Variants in FAS observed in about 807,000 individuals in gnomAD.
FAS encodes tumor necrosis factor receptor superfamily member 6.
A neutral mutation model predicts 33.2 loss-of-function variants in FAS; 5 were observed. The ratio of observed to expected loss-of-function variants is 0.15; its 90% CI spans 0.08 to 0.32. The LOEUF is 0.32. Among genes scored for constraint, FAS ranks in the 10% least tolerant of loss-of-function variants. The probability of loss-of-function intolerance (pLI) is 1.00; values close to 1 mark genes in which losing one functional copy is unlikely to be tolerated. For missense variants in FAS, 339 were observed against 386.0 expected (o/e 0.88, Z 1.02); for synonymous variants, 131 against 130.7 (o/e 1.00, Z -0.01).
At position 89,010,615 on chromosome 10, in the gene FAS, A is replaced by T. The variant is rs1454441047; in HGVS notation, c.505+15A>T. ...CAAAGAGGAAGGTAATTATTTTTTTACGGTTATATTCTCCTTTCCCCCAAC... is the reference window on the plus strand; with the variant it reads ...CAAAGAGGAAGGTAATTATTTTTTTTCGGTTATATTCTCCTTTCCCCCAAC... On this transcript the variant is annotated intron_variant, in intron 5 of 8. Coordinates refer to ENST00000652046, the MANE Select transcript of FAS (RefSeq NM_000043.6). 6.2e-7 allele frequency: 1 copy of T among 1,613,040 alleles called. No individual in the cohort carries two copies. The highest frequency in any genetic ancestry group is 1.3e-5 in the African/African-American group (1 of 74,892).
At chr10:88,968,012 T>TC (rs957617095) in intron 1 of FAS, among the ~76,000 whole-genome samples, 1 of 152,212 alleles carries the variant, frequency 6.6e-6, no homozygotes, top group African/African-American at 2.4e-5. Flanking sequence ...CTTTTTTTTT[T>TC]CTGTAACATA....
At chr10:89,010,419 A>G (rs1036470484) in intron 4 of FAS, 120 bp from the exon 5 acceptor site, 3 of 767,470 alleles carry the variant, frequency 3.9e-6, no homozygotes, top group African/African-American at 3.5e-5. Context: ...ATTTGAAGGA[A>G]TACGTTTGCC....
At chr10:88,965,654 A>G (rs1188346874) in intron 1 of FAS, among the ~76,000 whole-genome samples, 1 of 128,866 alleles carries the variant, frequency 7.8e-6, no homozygotes, top group African/African-American at 3.0e-5. Flanking sequence ...TGCAAGGTCA[A>G]GCCATTATAA....
At chr10:89,005,890 T>G (rs9658748) in intron 2 of FAS, among the ~76,000 whole-genome samples, 11,964 of 152,214 alleles carry the variant, frequency 0.079, 601 homozygotes, top group Non-Finnish European at 0.11. Context: ...CTGCCTGCCT[T>G]GGCCTCCCAA....
chr10:88,980,579 T>C (rs1038780690), intron 2 of FAS, among the ~76,000 whole-genome samples: 13 of 152,200 alleles, frequency 8.5e-5, no homozygotes, highest in Non-Finnish European at 1.9e-4. Flanking sequence ...TGCTATTCCC[T>C]GAGGCCTAAC....
At chr10:88,970,815 A>C (rs773986806) in intron 1 of FAS, among the ~76,000 whole-genome samples, 1 of 152,194 alleles carries the variant, frequency 6.6e-6, no homozygotes, top group Non-Finnish European at 1.5e-5. Flanking sequence ...ACGTGTATAC[A>C]TATGTAACAA....
chr10:88,968,373 T>C (rs1846359331), intron 1 of FAS, among the ~76,000 whole-genome samples: 1 of 152,172 alleles, frequency 6.6e-6, no homozygotes, highest in Non-Finnish European at 1.5e-5. Context: ...TGCAGGGTTT[T>C]TGATCATCTT....
upstream of FAS, chr10:88,989,417 G>A (rs1847032992): frequency 3.9e-6 from 2 of 510,854 alleles, no homozygotes; most frequent in Non-Finnish European, 7.7e-6. Context: ...AGATAATACA[G>A]AGAATGCCCA....
In FAS at chr10:89,016,185, A is replaced by G. The variant is rs549898583; in HGVS notation, c.*1735A>G. On this transcript the variant is annotated 3_prime_UTR_variant, in exon 9 of 9. Transcript: ENST00000652046. Reference sequence around the variant, plus strand: ...CAATTTAATGCTAGTAATATATTCTATTTAACCCATGAGTCCCAAAGTATT... The same window carrying G: ...CAATTTAATGCTAGTAATATATTCTGTTTAACCCATGAGTCCCAAAGTATT... The G allele has an allele frequency of 6.0e-5, 13 of 217,482 alleles. No homozygotes were observed. Among genetic ancestry groups the G allele is most frequent in the East Asian group, 4.1e-4 (6 of 14,638 alleles). The allele number at this position is 217,482 out of a possible 1,614,324, so 13.5% of individuals were successfully genotyped here. A position where few individuals can be genotyped will look rare whatever the true frequency, so the allele number is the denominator to read the frequency against.
chr10:88,984,406 G>A (rs1268207278), upstream of FAS, among the ~76,000 whole-genome samples: 1 of 152,102 alleles, frequency 6.6e-6, no homozygotes, highest in Non-Finnish European at 1.5e-5. Context: ...AGTAGGAATG[G>A]ATTACACCCC....
In FAS at chr10:89,007,742, C is replaced by A; in HGVS notation, c.239C>A (p.Pro80Gln). 1.2e-6 allele frequency: 2 copies of A among 1,613,980 alleles called. No individual in the cohort carries two copies. Among genetic ancestry groups the A allele is most frequent in the Non-Finnish European group, 1.7e-6 (2 of 1,179,944 alleles). Residue 80 changes from proline to glutamine, a missense_variant, in exon 3 of 9, where the codon CCA (proline) becomes CAA (glutamine). Pro to Gln is a moderately conservative substitution (Grantham distance 76). Around this residue, in one of 3 missense-constraint regions of FAS, gnomAD observed 276 missense variants for 300.1 expected, o/e 0.92. Transcript: ENST00000652046. The part of the protein sequence containing the change: ...ARDCTVNGDE[P>Q]DCVPCQEGKE... ...GACTGCACAGTCAATGGGGATGAAC[C>A]AGACTGCGTGCCCTGCCAAGAAGGG...
intron 1 of FAS, among the ~76,000 whole-genome samples, chr10:88,969,104 A>C (rs113561688): frequency 1.3e-5 from 2 of 152,302 alleles, no homozygotes; most frequent in African/African-American, 4.8e-5. Context: ...CTCTCTTATT[A>C]AATAATACTC....
intron 2 of FAS, among the ~76,000 whole-genome samples, chr10:89,007,116 C>A (rs551247748): frequency 6.6e-6 from 1 of 152,336 alleles, no homozygotes; most frequent in East Asian, 1.9e-4. Context: ...AGAAATATTA[C>A]TATCTCCATC....
chr10:89,008,918 A>G lies in FAS; in HGVS notation c.364A>G (p.Thr122Ala). 6.2e-7 allele frequency: 1 copy of G among 1,614,024 alleles called. No individual in the cohort carries two copies. The highest frequency in any genetic ancestry group is 8.5e-7 in the Non-Finnish European group (1 of 1,179,898). The change falls in exon 4 of 9, where the codon ACC becomes GCC. Residue 122 changes from threonine (T) to alanine (A), a missense_variant. By Grantham distance (58) the Thr-to-Ala change is moderately conservative (BLOSUM62 0). This residue lies in a region of FAS where 276 missense variants were observed against 300.1 expected (regional missense o/e 0.92). Coordinates refer to ENST00000652046, the MANE Select transcript of FAS (RefSeq NM_000043.6). ...AGAAGTGGAAATAAACTGCACCCGG[A>G]CCCAGAATACCAAGTGCAGATGTAA... ...GLEVEINCTR[T>A]QNTKCRCKPN...
intron 1 of FAS, among the ~76,000 whole-genome samples, chr10:88,964,946 A>G (rs956615443): frequency 4.6e-5 from 7 of 152,076 alleles, no homozygotes; most frequent in African/African-American, 1.7e-4. Flanking sequence ...AAACATTTTT[A>G]GTGTCTTAAG....
rs1194726370 is a variant in FAS, at chr10:89,009,699, A to G, written c.443+702A>G. Among the ~76,000 whole-genome samples the G allele has an allele frequency of 2.0e-5, 3 of 152,156 alleles. No individual in the cohort carries two copies. In the East Asian group the frequency reaches 5.8e-4, roughly 29 times the overall value. On this transcript the variant is annotated intron_variant, in intron 4 of 8. Coordinates refer to ENST00000652046, the MANE Select transcript of FAS (RefSeq NM_000043.6). ...ATAAGCACATGATGCCTTATGTTTT[A>G]TTTGCTAGGAAAATTTTATGTACAG...
intron 1 of FAS, among the ~76,000 whole-genome samples, chr10:88,972,151 C>T (rs1462939989): frequency 6.6e-6 from 1 of 152,176 alleles, no homozygotes; most frequent in Non-Finnish European, 1.5e-5. Context: ...TTGTGATCCA[C>T]CCGCCTCAGC....
intron 2 of FAS, among the ~76,000 whole-genome samples, chr10:88,978,338 A>G (rs1297965242): frequency 6.6e-6 from 1 of 151,336 alleles, no homozygotes; most frequent in African/African-American, 2.4e-5. Context: ...AGCATGGCAC[A>G]TGTATACATA....
intron 1 of FAS, among the ~76,000 whole-genome samples, chr10:89,002,420 A>G (rs558845423): frequency 6.6e-6 from 1 of 152,300 alleles, no homozygotes; most frequent in Admixed American, 6.5e-5. Flanking sequence ...TATATCAAGG[A>G]GGGCAGGGCA....
Sources: allele counts gnomAD v4.1 joint callset (sites outside exome capture counted in the v4.1 genomes callset), GRCh38; gene constraint gnomAD v4.1.1; regional missense constraint gnomAD v4.1.1; transcripts MANE v1.5; gene names NCBI Gene and HGNC (gene_info 2026-07-23, HGNC 2026-07-21).